The following PRKN variants were observed in gnomAD, a reference collection of about 807,000 sequenced individuals.
The protein encoded by PRKN is parkin RBR E3 ubiquitin protein ligase, also known as E3 ubiquitin-protein ligase parkin.
In PRKN, 56 loss-of-function variants were observed where a neutral mutation model predicts 59.5. That is an observed-to-expected ratio of 0.94 (90% CI 0.76 to 1.18). PRKN has a LOEUF of 1.18. Ranked by LOEUF, PRKN falls within the 50% of genes most tolerant of loss-of-function variation. The probability of loss-of-function intolerance (pLI) is 0.00; values close to 1 mark genes in which losing one functional copy is unlikely to be tolerated. For synonymous variants in PRKN, 250 were observed against 222.1 expected, an observed-to-expected ratio of 1.13 and a Z score of -1.12; for missense variants, 657 against 596.4, an observed-to-expected ratio of 1.10 and a Z score of -1.06.
chr6:161,607,784 G>A (rs1782337634), intron 7 of PRKN, among the ~76,000 whole-genome samples: 1 of 152,196 alleles, frequency 6.6e-6, no homozygotes, highest in South Asian at 2.1e-4. Context: ...AAGGTCATAG[G>A]TTTCTGGCTT....
intron 7 of PRKN, among the ~76,000 whole-genome samples, chr6:161,708,947 T>C (rs1786627151): frequency 1.3e-5 from 2 of 152,192 alleles, no homozygotes; most frequent in South Asian, 4.1e-4. Flanking sequence ...GAAGGAAAGG[T>C]TACACATCTG....
intron 9 of PRKN, among the ~76,000 whole-genome samples, chr6:161,531,817 AG>A (rs1254202486): frequency 6.6e-6 from 1 of 152,186 alleles, no homozygotes; most frequent in African/African-American, 2.4e-5. Context: ...TCTATTATCC[AG>A]GCTTGGGAAA....
chr6:162,532,387 T>TC (rs1778551451), intron 1 of PRKN, among the ~76,000 whole-genome samples: 1 of 152,172 alleles, frequency 6.6e-6, no homozygotes, highest in Admixed American at 6.5e-5. Flanking sequence ...TCGTTACACA[T>TC]CCCCCCAGGG....
rs7770643 is a variant in PRKN, at chr6:161,413,348, T to G, written c.1084-26471A>C. On this transcript the variant is annotated intron_variant, in intron 9 of 11. Coordinates refer to ENST00000366898, the MANE Select transcript of PRKN (RefSeq NM_004562.3). This position sits in a 1 kb window ranked among gnomAD's most constrained non-coding sequence, Gnocchi z 4.4. ...TTTCCCTTCACTTCCTGAGTCTCTT[T>G]CCATTAGAAGAAGAATTCATATACA... Among the ~76,000 whole-genome samples, 46,270 of 152,060 alleles carry G rather than the reference T, an allele frequency of 0.3. 7,916 individuals are homozygous for G. Among genetic ancestry groups the G allele is most frequent in the East Asian group, 0.83 (4,303 of 5,164 alleles).
intron 2 of PRKN, among the ~76,000 whole-genome samples, chr6:162,436,638 G>GT (rs1789785848): frequency 7.9e-6 from 1 of 127,316 alleles, no homozygotes; most frequent in Non-Finnish European, 1.6e-5. Context: ...AAATTATAAT[G>GT]TATGACTAAC....
intron 8 of PRKN, 97 bp downstream of exon 8, chr6:161,569,258 T>C (rs1231427922): frequency 2.9e-6 from 3 of 1,051,972 alleles, no homozygotes; most frequent in Non-Finnish European, 4.5e-6. Flanking sequence ...GCACCCAGGG[T>C]CAGGAGACAT....
intron 3 of PRKN, among the ~76,000 whole-genome samples, chr6:162,240,147 G>A (rs1583251318): frequency 6.6e-6 from 1 of 152,308 alleles, no homozygotes; most frequent in East Asian, 1.9e-4. Context: ...AGCCATTAAG[G>A]TTTGTTTCAA....
Position 162,050,932 on chromosome 6 carries a change from A to G in PRKN, c.618+3159T>C, listed in dbSNP as rs530877996. On this transcript the variant is annotated intron_variant, in intron 5 of 11. Coordinates refer to ENST00000366898, the MANE Select transcript of PRKN (RefSeq NM_004562.3). Reference sequence around the variant, plus strand: ...GGGAGGCCCAGCTCTGAACCTATAAACACATGGTGTTCGGAAAGGCCTGGA... The same window carrying G: ...GGGAGGCCCAGCTCTGAACCTATAAGCACATGGTGTTCGGAAAGGCCTGGA... 1.9e-3 allele frequency among the ~76,000 whole-genome samples: 290 copies of G among 152,128 alleles called. 2 individuals carry two copies. The highest frequency in any genetic ancestry group is 6.9e-3 in the African/African-American group (286 of 41,510).
At chr6:162,026,849 T>C (rs778563344) in intron 5 of PRKN, among the ~76,000 whole-genome samples, 6 of 152,228 alleles carry the variant, frequency 3.9e-5, no homozygotes, top group Non-Finnish European at 5.9e-5. Context: ...CAGAGTCATG[T>C]TGCTTAATAG....
intron 8 of PRKN, among the ~76,000 whole-genome samples, chr6:161,569,070 A>C (rs542685384): frequency 2.6e-5 from 4 of 152,170 alleles, no homozygotes; most frequent in East Asian, 3.9e-4. Context: ...CTCTGCATTT[A>C]TTTGTTTGCT....
At chr6:162,545,911 C>A (rs576911164) in intron 1 of PRKN, among the ~76,000 whole-genome samples, 1 of 152,116 alleles carries the variant, frequency 6.6e-6, no homozygotes, top group Admixed American at 6.6e-5. Context: ...GGATATGTAA[C>A]AGGTGACTTA....
At chr6:162,583,181 T>C (rs13219926) in intron 1 of PRKN, among the ~76,000 whole-genome samples, 15,567 of 152,230 alleles carry the variant, frequency 0.1, 939 homozygotes, top group Middle Eastern at 0.19. Context: ...ACACAAAACC[T>C]GCTGGCACCT....
At chr6:162,163,321 CCTCA>C (rs1266241400) in intron 4 of PRKN, among the ~76,000 whole-genome samples, 2 of 149,388 alleles carry the variant, frequency 1.3e-5, no homozygotes, top group Admixed American at 6.7e-5. Context: ...GAATGCTGGT[CCTCA>C]CTATTTTTCA....
intron 6 of PRKN, among the ~76,000 whole-genome samples, chr6:161,957,443 T>TTTTTA (rs1780220884): frequency 1.4e-5 from 2 of 145,634 alleles, no homozygotes; most frequent in African/African-American, 2.5e-5. Flanking sequence ...TTTGTTTTTT[T>TTTTTA]GAGCCAGAGT....
intron 1 of PRKN, among the ~76,000 whole-genome samples, chr6:162,609,688 T>A (rs1782064641): frequency 6.6e-6 from 1 of 152,222 alleles, no homozygotes; most frequent in African/African-American, 2.4e-5. Flanking sequence ...TTATTCTTTA[T>A]GAAAATTGAC....
chr6:161,634,245 T>G (rs533430452), intron 7 of PRKN, among the ~76,000 whole-genome samples: 75 of 152,192 alleles, frequency 4.9e-4, no homozygotes, highest in African/African-American at 1.7e-3. Flanking sequence ...ATAAAAAGAA[T>G]AGTAGACACC....
intron 7 of PRKN, among the ~76,000 whole-genome samples, chr6:161,769,727 T>C (rs4708930): frequency 0.92 from 140,691 of 152,142 alleles, 65,248 homozygotes; most frequent in Middle Eastern, 0.97. Flanking sequence ...CTCTGCCAGC[T>C]GGATCTTGGA....
Position 161,487,274 on chromosome 6 carries a change from C to T in PRKN, c.1083+61580G>A, listed in dbSNP as rs1048997568. Among the ~76,000 whole-genome samples the T allele has an allele frequency of 6.6e-5, 10 of 152,316 alleles. No individual in the cohort carries two copies. The highest frequency in any genetic ancestry group is 1.3e-4 in the Admixed American group (2 of 15,304). ...CCCATGAAGTGGGCTTGCTCAGTAA[C>T]AACTGCTCAGTGAAGGGGCTGGGAC... On this transcript the variant is annotated intron_variant, in intron 9 of 11. Coordinates refer to ENST00000366898, the MANE Select transcript of PRKN (RefSeq NM_004562.3). This position sits in a 1 kb window ranked among gnomAD's most constrained non-coding sequence, Gnocchi z 5.3.
At chr6:162,271,334 T>TTAG (rs1780381987) in intron 2 of PRKN, 1 of 151,930 alleles carries the variant, frequency 6.6e-6, no homozygotes, top group African/African-American at 2.4e-5. Context: ...GGTCAGGAGT[T>TTAG]TGAGACCAGC....
Sources: gnomAD v4.1 joint callset for allele counts (sites outside exome capture counted in the v4.1 genomes callset) on GRCh38, gnomAD v4.1.1 for gene constraint, Gnocchi (gnomAD v3.1) non-coding constraint, MANE v1.5 for transcripts, NCBI Gene and HGNC (gene_info 2026-07-23, HGNC 2026-07-21) for gene names.